The following CDH11 variants were observed in gnomAD, a reference collection of about 807,000 sequenced individuals.
CDH11 encodes the protein cadherin-11.
A neutral mutation model predicts 67.8 loss-of-function variants in CDH11; 11 were observed. That is an observed-to-expected ratio of 0.16 (90% CI 0.10 to 0.27). The LOEUF (loss-of-function observed/expected upper bound fraction) is 0.27. Among genes scored for constraint, CDH11 ranks in the 10% least tolerant of loss-of-function variants. The probability of loss-of-function intolerance (pLI) is 1.00; values close to 1 mark genes in which losing one functional copy is unlikely to be tolerated. For missense variants in CDH11, 847 were observed against 1,031.2 expected (o/e 0.82, Z 2.45); for synonymous variants, 419 against 400.0 (o/e 1.05, Z -0.57).
At position 64,946,607 on chromosome 16, in the gene CDH11, G is replaced by A; in HGVS notation, c.*996C>T. The A allele has an allele frequency of 9.7e-7, 1 of 1,030,938 alleles. No homozygotes were observed. Among genetic ancestry groups the A allele is most frequent in the Non-Finnish European group, 1.2e-6 (1 of 857,262 alleles). The allele number at this position is 1,030,938 out of a possible 1,614,324, so 63.9% of individuals were successfully genotyped here. A position where few individuals can be genotyped will look rare whatever the true frequency, so the allele number is the denominator to read the frequency against. ...GCTTTACATGATGTTACAGAATCTT[G>A]TCTGAAAAAACATTTGTAAAACATA... is the stretch of plus-strand genomic sequence containing the variant. On this transcript the variant is annotated 3_prime_UTR_variant, in exon 13 of 13. Coordinates refer to ENST00000268603, the MANE Select transcript of CDH11 (RefSeq NM_001797.4).
chr16:65,007,670 G>A (rs537065585), intron 2 of CDH11, among the ~76,000 whole-genome samples: 21 of 152,310 alleles, frequency 1.4e-4, no homozygotes, highest in Admixed American at 4.6e-4. Context: ...CAGAGGTTCT[G>A]TCTCACTCTG....
intron 1 of CDH11, among the ~76,000 whole-genome samples, chr16:65,085,622 T>C (rs1281660390): frequency 6.6e-6 from 1 of 152,226 alleles, no homozygotes; most frequent in Non-Finnish European, 1.5e-5. Flanking sequence ...TAGGATAGAC[T>C]GTAGATTCTA....
At chr16:65,084,918 T>C (rs1486916969) in intron 1 of CDH11, among the ~76,000 whole-genome samples, 1 of 152,194 alleles carries the variant, frequency 6.6e-6, no homozygotes, top group Non-Finnish European at 1.5e-5. Flanking sequence ...ATGATTATTT[T>C]TATTTTTTGA....
intron 1 of CDH11, among the ~76,000 whole-genome samples, chr16:65,096,175 C>A (rs948211310): frequency 2.0e-5 from 3 of 152,098 alleles, no homozygotes; most frequent in Non-Finnish European, 4.4e-5. Context: ...CATGTAGCTA[C>A]AACTTCTTTG....
chr16:64,959,117 T>A (rs2071601885), intron 11 of CDH11, among the ~76,000 whole-genome samples: 3 of 152,192 alleles, frequency 2.0e-5, no homozygotes, highest in Admixed American at 2.0e-4. Context: ...ATTAGGGAGC[T>A]ACACACCACT....
intron 7 of CDH11, among the ~76,000 whole-genome samples, chr16:64,983,906 CAT>C (rs1267446030): frequency 6.6e-6 from 1 of 152,204 alleles, no homozygotes. Flanking sequence ...TCTAATATCA[CAT>C]AGTCTGTTGA....
chr16:64,993,725 G>A (rs1228581936), intron 4 of CDH11, among the ~76,000 whole-genome samples: 1 of 152,134 alleles, frequency 6.6e-6, no homozygotes, highest in East Asian at 1.9e-4. Context: ...GAAAGATGGG[G>A]TTCTGCTTTT....
intron 1 of CDH11, among the ~76,000 whole-genome samples, chr16:65,111,674 AACACACACAC>A (rs71143552): frequency 1.4e-4 from 20 of 140,726 alleles, no homozygotes; most frequent in Admixed American, 7.3e-4. Context: ...GAAAGCTAGA[AACACACACAC>A]ACACACACAC....
intron 6 of CDH11, among the ~76,000 whole-genome samples, chr16:64,988,878 C>T (rs566409446): frequency 5.2e-4 from 79 of 152,252 alleles, no homozygotes; most frequent in African/African-American, 1.1e-3. Context: ...TCACCTCCTT[C>T]GCAACTTGCC....
intron 8 of CDH11, among the ~76,000 whole-genome samples, chr16:64,978,493 G>A (rs2331446): frequency 0.3 from 45,736 of 152,028 alleles, 7,470 homozygotes; most frequent in South Asian, 0.5. Context: ...TAGGTGGTGA[G>A]AAAAAAGATG....
chr16:64,949,904 A>G (rs1168933107), intron 12 of CDH11, among the ~76,000 whole-genome samples: 2 of 152,142 alleles, frequency 1.3e-5, no homozygotes, highest in Non-Finnish European at 2.9e-5. Context: ...CCCGTTGCCC[A>G]GAGAATACCC....
intron 2 of CDH11, among the ~76,000 whole-genome samples, chr16:65,045,867 G>T (rs1209580086): frequency 3.9e-5 from 6 of 152,114 alleles, no homozygotes; most frequent in Non-Finnish European, 8.8e-5. Context: ...GACCCAGTCT[G>T]CAAGGAGCAT....
intron 7 of CDH11, chr16:64,984,838 C>T (rs2072445423): frequency 2.6e-5 from 4 of 152,084 alleles, no homozygotes; most frequent in African/African-American, 9.7e-5. Context: ...TCAGATCACC[C>T]TCTGATTGCA....
chr16:65,100,599 G>T (rs576019023), intron 1 of CDH11, among the ~76,000 whole-genome samples: 9 of 151,848 alleles, frequency 5.9e-5, no homozygotes, highest in African/African-American at 2.2e-4. Context: ...TTAGCCGGGC[G>T]TCGTGGCGGG....
chr16:65,085,558 C>T (rs2074683291), intron 1 of CDH11, among the ~76,000 whole-genome samples: 1 of 152,302 alleles, frequency 6.6e-6, no homozygotes, highest in East Asian at 1.9e-4. Flanking sequence ...CAAAATTAGT[C>T]CTAGAGGCAG....
Position 64,945,455 on chromosome 16 carries a change from G to A in CDH11, c.*2148C>T. On this transcript the variant is annotated 3_prime_UTR_variant, in exon 13 of 13. Coordinates refer to ENST00000268603, the MANE Select transcript of CDH11 (RefSeq NM_001797.4). Reference sequence around the variant, plus strand: ...CCTAGAGAAAAGGATCATCCATGGTGACAGGGTTACTTACAGCTGTATACT... The same window carrying A: ...CCTAGAGAAAAGGATCATCCATGGTAACAGGGTTACTTACAGCTGTATACT... 1 of 1,036,398 alleles carries A rather than the reference G, an allele frequency of 9.6e-7. No individual in the cohort carries two copies. The highest frequency in any genetic ancestry group is 1.2e-6 in the Non-Finnish European group (1 of 860,250). 64.2% of individuals were successfully genotyped at this position (1,036,398 alleles called of 1,614,324 possible).
rs1015887092 is a variant in CDH11 at position 65,005,006 on chromosome 16, C to T, written c.-137G>A. The T allele has an allele frequency of 5.0e-6, 7 of 1,413,066 alleles. No homozygotes were observed. Among genetic ancestry groups the T allele is most frequent in the Non-Finnish European group, 6.5e-6 (7 of 1,082,142 alleles). 87.5% of individuals were successfully genotyped at this position (1,413,066 alleles called of 1,614,324 possible). A position where few individuals can be genotyped will look rare whatever the true frequency, so the allele number is the denominator to read the frequency against. ...ATGGAATGTCTCTGCTGGTTGAGCT[C>T]ATCACGTCAGGGCTGCCCACGTCCC... On this transcript the variant is annotated 5_prime_UTR_variant, in exon 3 of 13. An upstream start codon of the reference 5' UTR is lost. Transcript: ENST00000268603.
At chr16:64,948,675 A>G (rs1353054037) in intron 12 of CDH11, 2 of 1,610,260 alleles carry the variant, frequency 1.2e-6, no homozygotes, top group East Asian at 2.2e-5. Flanking sequence ...AGACCCCCAG[A>G]AGACAAAATC....
At chr16:65,073,703 GTCC>G in intron 1 of CDH11, among the ~76,000 whole-genome samples, 1 of 152,290 alleles carries the variant, frequency 6.6e-6, no homozygotes. Context: ...TGGGAGGTAA[GTCC>G]TCCTCTTTCT....
Sources: allele counts gnomAD v4.1 joint callset (sites outside exome capture counted in the v4.1 genomes callset), GRCh38; gene constraint gnomAD v4.1.1; transcripts MANE v1.5; gene names NCBI Gene and HGNC (gene_info 2026-07-23, HGNC 2026-07-21).